The following CENPW variants were observed in gnomAD, a reference collection of about 807,000 sequenced individuals.
CENPW encodes cancer-up-regulated gene 2 protein.
A neutral mutation model predicts 11.1 loss-of-function variants in CENPW; 3 were observed. That is an observed-to-expected ratio of 0.27 (90% CI 0.12 to 0.70). The LOEUF is 0.70. Among genes scored for constraint, CENPW ranks in the 30% least tolerant of loss-of-function variants. The probability of loss-of-function intolerance (pLI) is 0.77; values close to 1 mark genes in which losing one functional copy is unlikely to be tolerated. For synonymous variants in CENPW, 38 were observed against 42.0 expected (o/e 0.91, Z 0.37); for missense variants, 100 against 105.6 (o/e 0.95, Z 0.23).
At chr6:126,365,272 G>A in the CENPW span, among the ~76,000 whole-genome samples, 2 of 152,184 alleles carry the variant, frequency 1.3e-5, no homozygotes, top group African/African-American at 2.4e-5. Context: ...TTAAACCACT[G>A]TATTAGTCTG....
At chr6:126,406,800 C>G in the CENPW span, among the ~76,000 whole-genome samples, 1 of 151,410 alleles carries the variant, frequency 6.6e-6, no homozygotes, top group African/African-American at 2.4e-5. Context: ...TGCAGTGAGC[C>G]AAGATTGCAC....
At chr6:126,450,751 T>C in the CENPW span, among the ~76,000 whole-genome samples, 1 of 151,006 alleles carries the variant, frequency 6.6e-6, no homozygotes, top group Non-Finnish European at 1.5e-5. Flanking sequence ...TTAATTTACA[T>C]AATCCACTTT....
At chr6:126,345,212 C>G (rs1180931552) in intron 1 of CENPW, among the ~76,000 whole-genome samples, 5 of 151,702 alleles carry the variant, frequency 3.3e-5, no homozygotes, top group Admixed American at 3.3e-4. Flanking sequence ...GAGTAAAATA[C>G]TTAACAAAGT....
the CENPW span, among the ~76,000 whole-genome samples, chr6:126,386,133 A>G: frequency 6.6e-6 from 1 of 152,096 alleles, no homozygotes; most frequent in South Asian, 2.1e-4. Context: ...GTACAATTTT[A>G]TCTTTTTAGA....
chr6:126,367,015 C>T, the CENPW span, among the ~76,000 whole-genome samples: 2,791 of 152,202 alleles, frequency 0.018, 75 homozygotes, highest in African/African-American at 0.062. Context: ...TCTACCTTTC[C>T]ACACTGTTGT....
the CENPW span, among the ~76,000 whole-genome samples, chr6:126,417,600 C>T: frequency 6.6e-6 from 1 of 152,128 alleles, no homozygotes; most frequent in Non-Finnish European, 1.5e-5. Context: ...GAATAAGTCT[C>T]ATGAGATCTG....
the CENPW span, among the ~76,000 whole-genome samples, chr6:126,389,763 T>A: frequency 1.1e-4 from 17 of 151,948 alleles, no homozygotes; most frequent in East Asian, 3.3e-3. Context: ...ATACATTATC[T>A]AATTCAGTGT....
the CENPW span, among the ~76,000 whole-genome samples, chr6:126,372,635 C>A: frequency 6.6e-6 from 1 of 152,084 alleles, no homozygotes; most frequent in Non-Finnish European, 1.5e-5. Flanking sequence ...CCCATGAGAT[C>A]ATGAAATTGC....
At chr6:126,403,258 A>G in the CENPW span, among the ~76,000 whole-genome samples, 3 of 152,256 alleles carry the variant, frequency 2.0e-5, no homozygotes, top group South Asian at 2.1e-4. Context: ...GTATTTAAGG[A>G]AAGGAGAAGT....
chr6:126,469,275 A>G, the CENPW span, among the ~76,000 whole-genome samples: 2 of 152,100 alleles, frequency 1.3e-5, no homozygotes, highest in East Asian at 3.9e-4. Flanking sequence ...AAGATCTGAA[A>G]GTTTAAAAGT....
chr6:126,431,852 G>A, the CENPW span, among the ~76,000 whole-genome samples: 1 of 151,866 alleles, frequency 6.6e-6, no homozygotes, highest in South Asian at 2.1e-4. Context: ...AGATCATGAG[G>A]TCAGGAGTTC....
the CENPW span, among the ~76,000 whole-genome samples, chr6:126,386,428 A>G: frequency 6.6e-6 from 1 of 152,062 alleles, no homozygotes; most frequent in African/African-American, 2.4e-5. Flanking sequence ...AGTAAAGTGC[A>G]CTATTAAACA....
At chr6:126,444,490 C>G in the CENPW span, among the ~76,000 whole-genome samples, 1 of 150,584 alleles carries the variant, frequency 6.6e-6, no homozygotes, top group African/African-American at 2.4e-5. Flanking sequence ...TTTATTTGTT[C>G]TTGTATTCCT....
the CENPW span, among the ~76,000 whole-genome samples, chr6:126,447,378 A>G: frequency 6.6e-6 from 1 of 151,332 alleles, no homozygotes; most frequent in Non-Finnish European, 1.5e-5. Flanking sequence ...TGCTGTAAAC[A>G]GTGGCAAATA....
the CENPW span, among the ~76,000 whole-genome samples, chr6:126,374,144 C>T: frequency 3.3e-5 from 5 of 152,108 alleles, no homozygotes; most frequent in African/African-American, 1.2e-4. Context: ...CAAAAATGTA[C>T]TGGTAGCAAA....
At chr6:126,367,684 G>A in the CENPW span, among the ~76,000 whole-genome samples, 1 of 152,166 alleles carries the variant, frequency 6.6e-6, no homozygotes, top group South Asian at 2.1e-4. Context: ...GTGGTAGTGA[G>A]TTTCTTGAAG....
At chr6:126,370,806 G>T in the CENPW span, among the ~76,000 whole-genome samples, 1 of 151,346 alleles carries the variant, frequency 6.6e-6, no homozygotes, top group Non-Finnish European at 1.5e-5. Flanking sequence ...AGGCTGGAGT[G>T]CAGTGGCGTG....
At chr6:126,391,742 G>A in the CENPW span, among the ~76,000 whole-genome samples, 2 of 151,906 alleles carry the variant, frequency 1.3e-5, no homozygotes, top group African/African-American at 4.8e-5. Context: ...TTTCCCCAGT[G>A]TATGTTTTTG....
chr6:126,450,642 G>A, the CENPW span, among the ~76,000 whole-genome samples: 4 of 150,674 alleles, frequency 2.7e-5, no homozygotes, highest in African/African-American at 9.7e-5. Context: ...AGCAACTCAT[G>A]GAAAGGCATG....
Sources: gnomAD v4.1 joint callset for allele counts (sites outside exome capture counted in the v4.1 genomes callset) on GRCh38, gnomAD v4.1.1 for gene constraint, MANE v1.5 for transcripts, NCBI Gene and HGNC (gene_info 2026-07-23, HGNC 2026-07-21) for gene names.